Variants in PSMA3 observed in about 807,000 individuals in gnomAD.
The protein encoded by PSMA3 is proteasome subunit alpha type-3.
PSMA3 carries 8 observed loss-of-function variants against 40.0 expected under a neutral mutation model. The ratio of observed to expected loss-of-function variants is 0.20; its 90% CI spans 0.12 to 0.36. PSMA3 has a LOEUF of 0.36. Ranked by LOEUF, PSMA3 falls within the 10% of genes least tolerant of loss-of-function variation. The pLI is 1.00. For missense variants in PSMA3, 219 were observed against 310.6 expected, an observed-to-expected ratio of 0.70 and a Z score of 2.22; for synonymous variants, 110 against 100.0, an observed-to-expected ratio of 1.10 and a Z score of -0.59.
chr14:58,248,725 C>A (rs943813858), intron 2 of PSMA3, among the ~76,000 whole-genome samples: 2 of 151,338 alleles, frequency 1.3e-5, no homozygotes, highest in African/African-American at 2.4e-5. Flanking sequence ...GAGGCTGAGG[C>A]GGGCGGATCA....
chr14:58,257,598 A>C, intron 3 of PSMA3, 147 bp from the exon 4 acceptor site: 1 of 599,972 alleles, frequency 1.7e-6, no homozygotes, highest in Non-Finnish European at 2.9e-6. Context: ...AAGCATCAAA[A>C]TGCCTTGTAG....
chr14:58,245,100 C>A, intron 1 of PSMA3, 159 bp downstream of exon 1: 1 of 866,130 alleles, frequency 1.2e-6, no homozygotes, highest in Non-Finnish European at 1.9e-6. Flanking sequence ...GTCTTTATCC[C>A]CTATATGCTA....
chr14:58,270,209 C>A, intron 8 of PSMA3: 1 of 666,884 alleles, frequency 1.5e-6, no homozygotes, highest in Non-Finnish European at 2.3e-6. Flanking sequence ...GTATATTCAA[C>A]ATTTGTCGGG....
Position 58,271,976 on chromosome 14 carries a change from C to T in PSMA3, c.*81C>T. On this transcript the variant is annotated 3_prime_UTR_variant, in exon 11 of 11. Transcript: ENST00000216455. Reference sequence around the variant, plus strand: ...TTTAGCCCTGGATTATACATACTGTCCAATTTTCATTAAATTTTTGTCTTA... The same window carrying T: ...TTTAGCCCTGGATTATACATACTGTTCAATTTTCATTAAATTTTTGTCTTA... 1 of 1,022,646 alleles carries T rather than the reference C, an allele frequency of 9.8e-7. No individual in the cohort carries two copies. The highest frequency in any genetic ancestry group is 2.6e-5 in the East Asian group (1 of 39,186). 63.3% of individuals were successfully genotyped at this position (1,022,646 alleles called of 1,614,324 possible). A position where few individuals can be genotyped will look rare whatever the true frequency, so the allele number is the denominator to read the frequency against.
At chr14:58,255,636 G>A (rs1890126205) in intron 3 of PSMA3, among the ~76,000 whole-genome samples, 1 of 152,296 alleles carries the variant, frequency 6.6e-6, no homozygotes, top group East Asian at 1.9e-4. Context: ...GGGCGTGGTG[G>A]CGCATGCCTG....
chr14:58,259,294 T>A (rs1890216802), intron 5 of PSMA3, among the ~76,000 whole-genome samples: 1 of 152,126 alleles, frequency 6.6e-6, no homozygotes, highest in Non-Finnish European at 1.5e-5. Flanking sequence ...GAGATAACTT[T>A]TTTTCATAAC....
chr14:58,266,006 A>G (rs1250423173), intron 7 of PSMA3: 1 of 152,220 alleles, frequency 6.6e-6, no homozygotes, highest in Non-Finnish European at 1.5e-5. Context: ...GTATCATCTA[A>G]TAGTCCATAA....
intron 7 of PSMA3, 90 bp from the exon 8 acceptor site, chr14:58,267,384 G>T: frequency 7.6e-7 from 1 of 1,316,464 alleles, no homozygotes; most frequent in Non-Finnish European, 9.7e-7. Flanking sequence ...TATTTTCCTT[G>T]GTTTTATATC....
rs147435908 is a variant in PSMA3 at position 58,261,582 on chromosome 14, A to G, written c.477+562A>G. Among the ~76,000 whole-genome samples, 1,327 of 151,918 alleles carry G rather than the reference A, an allele frequency of 8.7e-3. 8 individuals are homozygous for G. Among genetic ancestry groups the G allele is most frequent in the Middle Eastern group, 0.017 (5 of 292 alleles). ...GTGCATATAGTATTTTGAATATGTG[A>G]TTTTCCTTTATTACTATAAACACTG... is the stretch of plus-strand genomic sequence containing the variant. On this transcript the variant is annotated intron_variant, in intron 6 of 10. Coordinates refer to ENST00000216455, the MANE Select transcript of PSMA3 (RefSeq NM_002788.4).
At chr14:58,247,906 T>C in intron 2 of PSMA3, 74 bp downstream of exon 2, 1 of 1,000,692 alleles carries the variant, frequency 1.0e-6, no homozygotes, top group Non-Finnish European at 1.5e-6. Context: ...CTTTGTTATG[T>C]TACTTTGGTA....
At chr14:58,251,336 T>C (rs1594824312) in intron 2 of PSMA3, among the ~76,000 whole-genome samples, 1 of 152,336 alleles carries the variant, frequency 6.6e-6, no homozygotes, top group East Asian at 1.9e-4. Flanking sequence ...CACAGACTGG[T>C]GTGCAGTGGT....
chr14:58,258,854 T>C (rs1890206669), intron 5 of PSMA3, among the ~76,000 whole-genome samples: 1 of 152,210 alleles, frequency 6.6e-6, no homozygotes, highest in Non-Finnish European at 1.5e-5. Context: ...GTCCTACCTT[T>C]GAGTTGTTTA....
chr14:58,246,545 C>T (rs188308072), intron 1 of PSMA3, among the ~76,000 whole-genome samples: 2 of 152,102 alleles, frequency 1.3e-5, no homozygotes, highest in Admixed American at 6.5e-5. Flanking sequence ...ACTACAGGTG[C>T]GCACCACCAC....
intron 3 of PSMA3, among the ~76,000 whole-genome samples, chr14:58,255,015 C>A (rs1890110994): frequency 6.6e-6 from 1 of 152,120 alleles, no homozygotes; most frequent in South Asian, 2.1e-4. Context: ...CTTTTAAATT[C>A]TGTAACTGTC....
rs752304715 is a variant in PSMA3, at chr14:58,257,856, T to C, written c.330+10T>C. 1.9e-6 allele frequency: 3 copies of C among 1,612,808 alleles called. No homozygotes were observed. Among genetic ancestry groups the C allele is most frequent in the South Asian group, 2.2e-5 (2 of 91,062 alleles). On this transcript the variant is annotated intron_variant, in intron 4 of 10. Coordinates refer to ENST00000216455, the MANE Select transcript of PSMA3 (RefSeq NM_002788.4). ...CAACATTCCACTAAAAGTAAGTTGA[T>C]AACATATTGAGGAACCTTTTGGACA...
intron 2 of PSMA3, 130 bp from the exon 3 acceptor site, chr14:58,251,989 C>T (rs865934430): frequency 1.3e-5 from 11 of 869,230 alleles, no homozygotes; most frequent in Middle Eastern, 7.4e-4. Context: ...TTTTCTCTTC[C>T]TGGTTTTCAA....
chr14:58,251,466 A>G (rs1298132327), intron 2 of PSMA3, among the ~76,000 whole-genome samples: 1 of 152,134 alleles, frequency 6.6e-6, no homozygotes, highest in African/African-American at 2.4e-5. Flanking sequence ...AGGTTTCGCC[A>G]TGTTGCCCAG....
At chr14:58,255,691 C>G (rs1890127642) in intron 3 of PSMA3, among the ~76,000 whole-genome samples, 1 of 152,170 alleles carries the variant, frequency 6.6e-6, no homozygotes, top group Non-Finnish European at 1.5e-5. Context: ...ATCCCTTGAA[C>G]CTGGGAGGTG....
At chr14:58,270,573 A>G (rs995008243) in intron 9 of PSMA3, 88 bp downstream of exon 9, 2 of 1,574,766 alleles carry the variant, frequency 1.3e-6, no homozygotes, top group Non-Finnish European at 1.7e-6. Flanking sequence ...ATATAATGAA[A>G]GCTAAAGCAA....
Sources: gnomAD v4.1 joint callset for allele counts (sites outside exome capture counted in the v4.1 genomes callset) on GRCh38, gnomAD v4.1.1 for gene constraint, MANE v1.5 for transcripts, NCBI Gene and HGNC (gene_info 2026-07-23, HGNC 2026-07-21) for gene names.